EFR3A: variants seen among roughly 807,000 people sequenced by gnomAD.
EFR3A encodes the protein EFR3 homolog A, also known as protein EFR3 homolog A.
Under a neutral mutation model 104.4 loss-of-function variants are expected in EFR3A, and 76 were observed. The observed-to-expected ratio is 0.73, with a 90% CI of 0.60 to 0.88. EFR3A has a LOEUF of 0.88. Ranked by LOEUF, EFR3A falls within the 40% of genes least tolerant of loss-of-function variation. The pLI, the probability that EFR3A is intolerant of heterozygous loss-of-function variation, is 0.00. For missense variants in EFR3A, 985 were observed against 1,012.5 expected, an observed-to-expected ratio of 0.97 and a Z score of 0.37; for synonymous variants, 330 against 330.0, an observed-to-expected ratio of 1.00 and a Z score of 0.00.
intron 1 of EFR3A, among the ~76,000 whole-genome samples, chr8:131,932,604 T>G (rs1817663249): frequency 1.3e-5 from 2 of 152,104 alleles, no homozygotes; most frequent in African/African-American, 4.8e-5. Flanking sequence ...TAGCTAGCTT[T>G]GTTACTTTGT....
intron 18 of EFR3A, among the ~76,000 whole-genome samples, chr8:131,992,159 A>G (rs1305651275): frequency 1.3e-5 from 2 of 152,146 alleles, no homozygotes; most frequent in African/African-American, 4.8e-5. Flanking sequence ...AGACCTTGAA[A>G]GTTAATTTAC....
At chr8:131,971,021 C>G (rs567492910) in intron 10 of EFR3A, among the ~76,000 whole-genome samples, 1 of 151,830 alleles carries the variant, frequency 6.6e-6, no homozygotes, top group Non-Finnish European at 1.5e-5. Context: ...TTTTCTAAAC[C>G]ACGAGATACA....
intron 6 of EFR3A, 96 bp downstream of exon 6, chr8:131,954,063 A>G: frequency 2.5e-6 from 3 of 1,213,316 alleles, no homozygotes; most frequent in Non-Finnish European, 3.3e-6. Context: ...AGTACTCTGT[A>G]AACAGTAGTC....
chr8:132,010,407 GATAT>G (rs66644698), intron 22 of EFR3A, among the ~76,000 whole-genome samples: 4,630 of 81,074 alleles, frequency 0.057, 111 homozygotes, highest in Middle Eastern at 0.078. Flanking sequence ...TCAAGTATGA[GATAT>G]ATATATATAT....
chr8:131,920,335 C>A (rs562606079), intron 1 of EFR3A, among the ~76,000 whole-genome samples: 1 of 152,260 alleles, frequency 6.6e-6, no homozygotes, highest in South Asian at 2.1e-4. Flanking sequence ...ATGGCAAAGT[C>A]CTCCCTGTAG....
chr8:131,984,150 G>A lies in EFR3A; in HGVS notation c.1587G>A (p.Gln529=). 1 of 1,605,132 alleles carries A rather than the reference G, an allele frequency of 6.2e-7. No homozygotes were observed. Among genetic ancestry groups the A allele is most frequent in the Non-Finnish European group, 8.5e-7 (1 of 1,176,714 alleles). ...DTSFMKKNGQ[Q]LYRHIYLGCK... is the part of the protein sequence containing the mutation. ...TCTTTTCTCCTCAGAATGGGCAACAGCTGTATCGGCACATATATTTGGGTT... is the reference window on the plus strand; with the variant it reads ...TCTTTTCTCCTCAGAATGGGCAACAACTGTATCGGCACATATATTTGGGTT... The change falls in exon 15 of 23, where the codon CAG becomes CAA. Residue 529 remains glutamine, a synonymous_variant. Transcript: ENST00000254624.
intron 1 of EFR3A, among the ~76,000 whole-genome samples, chr8:131,913,868 T>C (rs1324844598): frequency 3.3e-5 from 5 of 152,228 alleles, no homozygotes; most frequent in African/African-American, 9.6e-5. Context: ...TTGCAGAAGG[T>C]ACTGTGCCAG....
intron 1 of EFR3A, among the ~76,000 whole-genome samples, chr8:131,919,080 C>G (rs985692554): frequency 7.7e-6 from 1 of 129,280 alleles, no homozygotes; most frequent in Admixed American, 7.9e-5. Flanking sequence ...TGTCCTTTGT[C>G]AGTGATTTTT....
intron 1 of EFR3A, among the ~76,000 whole-genome samples, chr8:131,924,995 T>C (rs373474946): frequency 2.0e-5 from 3 of 152,266 alleles, no homozygotes; most frequent in African/African-American, 7.2e-5. Flanking sequence ...CAACAAAAAT[T>C]AGTTAATGTT....
intron 16 of EFR3A, 97 bp downstream of exon 16, chr8:131,985,157 A>G: frequency 8.3e-7 from 1 of 1,208,536 alleles, no homozygotes. Context: ...ATTACGTATC[A>G]AATTAAGGTA....
In EFR3A at chr8:131,955,875, A is replaced by G. The variant is rs777772443; in HGVS notation, c.746A>G (p.Asn249Ser). Residue 249 changes from asparagine to serine, a missense_variant, in exon 7 of 23, where the codon AAT becomes AGT. Asn to Ser is a conservative substitution (Grantham distance 46, BLOSUM62 1). Transcript: ENST00000254624. ...RELLGRATFG[N>S]MNNAVRPVFA... ...CTGCTGGGTCGAGCAACTTTTGGGAATATGAATAATGCTGTTAGACCAGTT... is the reference window on the plus strand; with the variant it reads ...CTGCTGGGTCGAGCAACTTTTGGGAGTATGAATAATGCTGTTAGACCAGTT... The G allele has an allele frequency of 6.8e-6, 11 of 1,613,410 alleles. No homozygotes were observed. Among genetic ancestry groups the G allele is most frequent in the South Asian group, 2.2e-5 (2 of 91,054 alleles).
chr8:131,952,773 A>G (rs76319607), intron 5 of EFR3A, among the ~76,000 whole-genome samples: 5,461 of 152,228 alleles, frequency 0.036, 191 homozygotes, highest in African/African-American at 0.093. Context: ...GTATCATATT[A>G]CTGCCACCTC....
chr8:132,007,656 C>T (rs1822118758), intron 22 of EFR3A, among the ~76,000 whole-genome samples: 1 of 151,736 alleles, frequency 6.6e-6, no homozygotes, highest in Non-Finnish European at 1.5e-5. Flanking sequence ...CCTGGAGTAG[C>T]TAAACAGTTT....
At chr8:131,940,325 A>C (rs796570084) in intron 1 of EFR3A, 174 bp from the exon 2 acceptor site, 2 of 664,898 alleles carry the variant, frequency 3.0e-6, no homozygotes, top group Admixed American at 3.0e-5. Flanking sequence ...TGGAGTAAGG[A>C]TAAGAAATTT....
intron 14 of EFR3A, 52 bp from the exon 15 acceptor site, chr8:131,984,087 C>T (rs1586650595): frequency 6.6e-7 from 1 of 1,518,418 alleles, no homozygotes; most frequent in East Asian, 2.3e-5. Context: ...TGAAATCTGC[C>T]TTTTCTACAT....
chr8:131,998,317 A>G (rs924503084), intron 19 of EFR3A, among the ~76,000 whole-genome samples: 6 of 152,114 alleles, frequency 3.9e-5, no homozygotes, highest in Non-Finnish European at 7.4e-5. Context: ...ATCAGATAAG[A>G]ACATTGCTCA....
chr8:131,922,628 C>G (rs904394249), intron 1 of EFR3A, among the ~76,000 whole-genome samples: 1 of 152,120 alleles, frequency 6.6e-6, no homozygotes, highest in African/African-American at 2.4e-5. Flanking sequence ...CTGTTAATTT[C>G]TCTCTTAAAT....
At chr8:131,908,344 G>A (rs28653332) in intron 1 of EFR3A, among the ~76,000 whole-genome samples, 62,398 of 151,908 alleles carry the variant, frequency 0.41, 13,137 homozygotes, top group East Asian at 0.6. Flanking sequence ...ACAGGTGTGA[G>A]CCACCGCTCC....
At chr8:131,950,973 A>G (rs961070058) in intron 5 of EFR3A, among the ~76,000 whole-genome samples, 1 of 152,184 alleles carries the variant, frequency 6.6e-6, no homozygotes, top group African/African-American at 2.4e-5. Flanking sequence ...ATAGAAAGTA[A>G]TTGGAGCATT....
Sources: gnomAD v4.1 joint callset for allele counts (sites outside exome capture counted in the v4.1 genomes callset) on GRCh38, gnomAD v4.1.1 for gene constraint, MANE v1.5 for transcripts, NCBI Gene and HGNC (gene_info 2026-07-23, HGNC 2026-07-21) for gene names.